Variants in GALNT17 observed in about 807,000 individuals in gnomAD.
GALNT17 encodes the protein UDP-GalNAc:polypeptide N-acetylgalactosaminyltransferase-like 3.
GALNT17 carries 29 observed loss-of-function variants against 63.7 expected under a neutral mutation model. The observed-to-expected ratio is 0.46, with a 90% CI of 0.34 to 0.62. GALNT17 has a LOEUF of 0.62. Among genes scored for constraint, GALNT17 ranks in the 20% least tolerant of loss-of-function variants. The probability of loss-of-function intolerance (pLI) is 0.01; values close to 1 mark genes in which losing one functional copy is unlikely to be tolerated. For missense variants in GALNT17, 603 were observed against 799.6 expected (o/e 0.75, Z 2.97); for synonymous variants, 305 against 318.3 (o/e 0.96, Z 0.45).
At chr7:71,409,032 A>ACACACG (rs1421665614) in intron 3 of GALNT17, among the ~76,000 whole-genome samples, 1 of 151,222 alleles carries the variant, frequency 6.6e-6, no homozygotes, top group Non-Finnish European at 1.5e-5. Context: ...ACACACACAC[A>ACACACG]CACACACACA....
intron 9 of GALNT17, among the ~76,000 whole-genome samples, chr7:71,706,997 T>C (rs565930603): frequency 6.6e-6 from 1 of 152,290 alleles, no homozygotes; most frequent in East Asian, 1.9e-4. Flanking sequence ...AGGTATTCGG[T>C]GACCAAAAGA....
At chr7:71,481,683 C>T (rs1467679149) in intron 5 of GALNT17, among the ~76,000 whole-genome samples, 8 of 152,136 alleles carry the variant, frequency 5.3e-5, no homozygotes, top group Non-Finnish European at 1.2e-4. Context: ...TGCTGCAACT[C>T]CACCTGCCCC....
chr7:71,518,729 T>A (rs1584020552), intron 5 of GALNT17, among the ~76,000 whole-genome samples: 1 of 152,128 alleles, frequency 6.6e-6, no homozygotes, highest in East Asian at 1.9e-4. Flanking sequence ...ACAACACATG[T>A]TTTAAAAAAC....
intron 1 of GALNT17, among the ~76,000 whole-genome samples, chr7:71,252,096 A>T (rs1438546460): frequency 6.6e-6 from 1 of 152,044 alleles, no homozygotes; most frequent in Non-Finnish European, 1.5e-5. Flanking sequence ...AGAGGATGTC[A>T]CCACCAGGGC....
intron 1 of GALNT17, among the ~76,000 whole-genome samples, chr7:71,238,233 C>T (rs1173261093): frequency 6.6e-6 from 1 of 152,144 alleles, no homozygotes; most frequent in Non-Finnish European, 1.5e-5. Context: ...AGAGCAGTTA[C>T]TTTCTTTTGC....
rs369695712 is a variant in GALNT17 at position 71,206,146 on chromosome 7, A to G, written c.238+73106A>G. Among the ~76,000 whole-genome samples, 3 of 147,586 alleles carry G rather than the reference A, an allele frequency of 2.0e-5. No homozygotes were observed. The East Asian group carries it at 5.8e-4, about 29-fold the overall frequency. The stretch of plus-strand genomic sequence containing the variant: ...TGTGTGTTTGTGTGTGTATATATAT[A>G]TGAATATATATATAAAATATATATA... On this transcript the variant is annotated intron_variant, in intron 1 of 10. Transcript: ENST00000333538.
chr7:71,462,028 G>T (rs947003929), intron 5 of GALNT17, among the ~76,000 whole-genome samples: 7 of 152,144 alleles, frequency 4.6e-5, no homozygotes, highest in African/African-American at 1.7e-4. Flanking sequence ...GGATGCAGAG[G>T]TCTGGGAAGG....
intron 2 of GALNT17, among the ~76,000 whole-genome samples, chr7:71,373,208 A>G (rs1792658879): frequency 6.6e-6 from 1 of 152,216 alleles, no homozygotes; most frequent in African/African-American, 2.4e-5. Context: ...GCCTTGGAAG[A>G]TGGCCACGTT....
chr7:71,339,256 A>C (rs1275007218), intron 2 of GALNT17, among the ~76,000 whole-genome samples: 1 of 152,212 alleles, frequency 6.6e-6, no homozygotes, highest in Non-Finnish European at 1.5e-5. Context: ...TTGTCTAGGG[A>C]GGAAGACAGA....
At chr7:71,690,019 C>CT (rs36049127) in intron 9 of GALNT17, among the ~76,000 whole-genome samples, 90,140 of 142,798 alleles carry the variant, frequency 0.63, 28,311 homozygotes, top group East Asian at 0.83. Context: ...TACTGAATAT[C>CT]TTTTTTTTTT....
At chr7:71,481,809 G>A (rs1279253693) in intron 5 of GALNT17, among the ~76,000 whole-genome samples, 3 of 151,920 alleles carry the variant, frequency 2.0e-5, no homozygotes, top group Non-Finnish European at 2.9e-5. Context: ...AAGGCACTTC[G>A]ACAAGTTTCA....
chr7:71,699,781 T>A (rs1791602946), intron 9 of GALNT17, among the ~76,000 whole-genome samples: 1 of 150,814 alleles, frequency 6.6e-6, no homozygotes, highest in Non-Finnish European at 1.5e-5. Context: ...GATTTTTTTT[T>A]AAATAACCAG....
At chr7:71,435,198 C>T (rs1473136484) in intron 5 of GALNT17, among the ~76,000 whole-genome samples, 1 of 152,036 alleles carries the variant, frequency 6.6e-6, no homozygotes, top group Admixed American at 6.6e-5. Context: ...TGTGGTGGTG[C>T]GTGCCTGAAA....
At chr7:71,643,049 G>A (rs1265166081) in intron 6 of GALNT17, among the ~76,000 whole-genome samples, 1 of 152,180 alleles carries the variant, frequency 6.6e-6, no homozygotes, top group Non-Finnish European at 1.5e-5. Context: ...CACACATGAT[G>A]AACTTCGTCG....
intron 2 of GALNT17, among the ~76,000 whole-genome samples, chr7:71,355,853 C>A (rs571307389): frequency 1.3e-5 from 2 of 152,072 alleles, no homozygotes; most frequent in South Asian, 4.2e-4. Flanking sequence ...TACAACTGTT[C>A]CCCTGAGGTT....
chr7:71,596,281 G>T (rs531283571), intron 6 of GALNT17, among the ~76,000 whole-genome samples: 1 of 150,930 alleles, frequency 6.6e-6, no homozygotes, highest in Non-Finnish European at 1.5e-5. Flanking sequence ...CTCGTGATTC[G>T]CCCACCTTGG....
chr7:71,485,812 A>G (rs1426943460), intron 5 of GALNT17, among the ~76,000 whole-genome samples: 1 of 152,198 alleles, frequency 6.6e-6, no homozygotes, highest in African/African-American at 2.4e-5. Context: ...CATCAGTCTG[A>G]AAAGGCTGGA....
intron 3 of GALNT17, among the ~76,000 whole-genome samples, chr7:71,412,645 C>T (rs1011906265): frequency 6.6e-6 from 1 of 152,186 alleles, no homozygotes; most frequent in African/African-American, 2.4e-5. Context: ...AGACCATTGT[C>T]GTGGTTCAGC....
At chr7:71,294,337 C>G (rs574741089) in intron 1 of GALNT17, among the ~76,000 whole-genome samples, 1 of 150,190 alleles carries the variant, frequency 6.7e-6, no homozygotes, top group South Asian at 2.1e-4. Flanking sequence ...GCTGGTTGCC[C>G]TTTTTGCTCT....
Sources: gnomAD v4.1 joint callset for allele counts (sites outside exome capture counted in the v4.1 genomes callset) on GRCh38, gnomAD v4.1.1 for gene constraint, MANE v1.5 for transcripts, NCBI Gene and HGNC (gene_info 2026-07-23, HGNC 2026-07-21) for gene names.